Variants in OXR1 observed in about 807,000 individuals in gnomAD.
OXR1 encodes oxidation resistance protein 1.
A neutral mutation model predicts 104.6 loss-of-function variants in OXR1; 41 were observed. The observed-to-expected ratio is 0.39, with a 90% CI of 0.31 to 0.51. OXR1 has a LOEUF of 0.51. OXR1 is among the 20% of genes least tolerant of loss of function. OXR1 has a pLI of 0.77. For missense variants in OXR1, 955 were observed against 1,031.9 expected (o/e 0.93, Z 1.02); for synonymous variants, 348 against 348.4 (o/e 1.00, Z 0.01).
At chr8:106,586,463 C>T (rs1379133168) in intron 3 of OXR1, among the ~76,000 whole-genome samples, 1 of 152,190 alleles carries the variant, frequency 6.6e-6, no homozygotes, top group Non-Finnish European at 1.5e-5. Context: ...CAGGAGTTTA[C>T]TTCTGAGCAT....
At position 106,737,919 on chromosome 8, in the gene OXR1, T is replaced by C. The variant is rs76326508; in HGVS notation, c.2037+319T>C. ...GTGTTGGTTTTGAGATTGAATCTTT[T>C]CTAAACAAAATCTGAAAGATATGGT... On this transcript the variant is annotated intron_variant, in intron 12 of 16. Coordinates refer to ENST00000517566, the MANE Select transcript of OXR1 (RefSeq NM_001198533.2). Among the ~76,000 whole-genome samples the C allele has an allele frequency of 2.0e-3, 305 of 152,280 alleles. 5 individuals are homozygous for C. In the East Asian group the frequency reaches 0.046, roughly 23 times the overall value.
At chr8:106,607,126 T>C (rs2130781812) in intron 3 of OXR1, among the ~76,000 whole-genome samples, 1 of 152,314 alleles carries the variant, frequency 6.6e-6, no homozygotes, top group African/African-American at 2.4e-5. Context: ...TTTCCTCTTC[T>C]CTCTCCATAC....
intron 5 of OXR1, 96 bp downstream of exon 5, chr8:106,683,402 A>G (rs1828375217): frequency 1.9e-6 from 1 of 535,698 alleles, no homozygotes; most frequent in African/African-American, 1.9e-5. Context: ...AGAAAATTTG[A>G]GAATAATTTT....
intron 7 of OXR1, among the ~76,000 whole-genome samples, chr8:106,698,844 G>C (rs983623048): frequency 6.6e-6 from 1 of 151,592 alleles, no homozygotes; most frequent in South Asian, 2.1e-4. Flanking sequence ...GTCTGTTTGC[G>C]TTTATTGATT....
intron 1 of OXR1, among the ~76,000 whole-genome samples, chr8:106,305,278 A>C (rs1422335958): frequency 2.0e-5 from 3 of 152,154 alleles, no homozygotes; most frequent in Admixed American, 2.0e-4. Context: ...TCTCCAAAAT[A>C]TATTTTATAA....
chr8:106,360,125 A>T (rs571202027), intron 2 of OXR1, among the ~76,000 whole-genome samples: 1 of 152,184 alleles, frequency 6.6e-6, no homozygotes, highest in Non-Finnish European at 1.5e-5. Context: ...GCACATCTCT[A>T]AATAGCTGGC....
At chr8:106,408,030 T>C (rs528651168) in intron 2 of OXR1, among the ~76,000 whole-genome samples, 3 of 152,176 alleles carry the variant, frequency 2.0e-5, no homozygotes, top group Admixed American at 6.5e-5. Flanking sequence ...GAAATATTTC[T>C]AATTGTCATG....
At chr8:106,330,837 A>C (rs1333889205) in intron 1 of OXR1, among the ~76,000 whole-genome samples, 1 of 152,226 alleles carries the variant, frequency 6.6e-6, no homozygotes, top group African/African-American at 2.4e-5. Flanking sequence ...AGTAAAATAC[A>C]TTAGAAGCAT....
intron 2 of OXR1, among the ~76,000 whole-genome samples, chr8:106,417,634 A>G (rs1586623285): frequency 6.6e-6 from 1 of 152,258 alleles, no homozygotes; most frequent in East Asian, 1.9e-4. Flanking sequence ...TCACAGAAAA[A>G]TGTCTTAAGT....
chr8:106,720,293 T>C (rs887645107), intron 11 of OXR1, among the ~76,000 whole-genome samples: 1 of 152,158 alleles, frequency 6.6e-6, no homozygotes, highest in Non-Finnish European at 1.5e-5. Flanking sequence ...ATCAGAATAA[T>C]TGGGGCTAGG....
chr8:106,404,713 A>T (rs530896200), intron 2 of OXR1, among the ~76,000 whole-genome samples: 63 of 147,990 alleles, frequency 4.3e-4, no homozygotes, highest in African/African-American at 1.5e-3. Flanking sequence ...CTCCTTGCTT[A>T]TTTTTTTTTT....
chr8:106,275,283 A>G (rs1398493761), intron 1 of OXR1, among the ~76,000 whole-genome samples: 1 of 152,188 alleles, frequency 6.6e-6, no homozygotes, highest in African/African-American at 2.4e-5. Flanking sequence ...TTAGCAAATG[A>G]TTATTGATTT....
Position 106,739,158 on chromosome 8 carries a change from T to G in OXR1, c.2038-300T>G, listed in dbSNP as rs950056653. On this transcript the variant is annotated intron_variant, in intron 12 of 16. Transcript: ENST00000517566. Reference sequence around the variant, plus strand: ...TAGCTGACTTTTGCCCTTCAAGGGCTTAATTAAAGATGCATGCAACTATCT... The same window carrying G: ...TAGCTGACTTTTGCCCTTCAAGGGCGTAATTAAAGATGCATGCAACTATCT... 2.7e-5 allele frequency among the ~76,000 whole-genome samples: 4 copies of G among 150,918 alleles called. No homozygotes were observed. In the East Asian group the frequency reaches 7.9e-4, roughly 30 times the overall value.
chr8:106,481,740 A>G (rs1822127389), intron 2 of OXR1, among the ~76,000 whole-genome samples: 1 of 152,066 alleles, frequency 6.6e-6, no homozygotes, highest in Non-Finnish European at 1.5e-5. Flanking sequence ...AAACAATGCT[A>G]AAACATAACT....
chr8:106,705,437 CAA>C (rs1831050292), intron 8 of OXR1, among the ~76,000 whole-genome samples: 1 of 152,220 alleles, frequency 6.6e-6, no homozygotes, highest in South Asian at 2.1e-4. Flanking sequence ...CGGAACAAGA[CAA>C]AGAGTTACCC....
intron 1 of OXR1, among the ~76,000 whole-genome samples, chr8:106,291,812 C>A (rs1043710065): frequency 6.6e-6 from 1 of 152,144 alleles, no homozygotes; most frequent in African/African-American, 2.4e-5. Context: ...GCATGTTTTA[C>A]TAGGTGGCAG....
chr8:106,458,576 C>T (rs1457355530), intron 2 of OXR1, among the ~76,000 whole-genome samples: 1 of 152,042 alleles, frequency 6.6e-6, no homozygotes, highest in Non-Finnish European at 1.5e-5. Context: ...GAGAGTGGGG[C>T]CACTTCCAAG....
chr8:106,335,675 C>T (rs1459182060), intron 1 of OXR1, among the ~76,000 whole-genome samples: 3 of 152,006 alleles, frequency 2.0e-5, no homozygotes, highest in Admixed American at 6.5e-5. Context: ...TATTTGATTC[C>T]TAATCTAAGT....
At chr8:106,441,805 G>C (rs906799688) in intron 2 of OXR1, among the ~76,000 whole-genome samples, 2 of 152,188 alleles carry the variant, frequency 1.3e-5, no homozygotes, top group Non-Finnish European at 2.9e-5. Flanking sequence ...ATCAGTTCAA[G>C]AAGTCTTTGG....
Sources: gnomAD v4.1 joint callset for allele counts (sites outside exome capture counted in the v4.1 genomes callset) on GRCh38, gnomAD v4.1.1 for gene constraint, MANE v1.5 for transcripts, NCBI Gene and HGNC (gene_info 2026-07-23, HGNC 2026-07-21) for gene names.